CEP350: variants seen among roughly 807,000 people sequenced by gnomAD.
CEP350 encodes centrosomal protein 350, also known as centrosome-associated protein 350.
Under a neutral mutation model 331.8 loss-of-function variants are expected in CEP350, and 126 were observed. The observed-to-expected ratio is 0.38, with a 90% CI of 0.33 to 0.44. The LOEUF (loss-of-function observed/expected upper bound fraction) is 0.44, where lower values mean the gene tolerates loss of function less well. Among genes scored for constraint, CEP350 ranks in the 20% least tolerant of loss-of-function variants. CEP350 has a pLI of 1.00. For synonymous variants in CEP350, 1,200 were observed against 1,259.5 expected (o/e 0.95, Z 1.00); for missense variants, 3,406 against 3,634.6 (o/e 0.94, Z 1.62).
At chr1:179,969,228 C>G in intron 1 of CEP350, 1 of 521,982 alleles carries the variant, frequency 1.9e-6, no homozygotes, top group Non-Finnish European at 3.7e-6. Context: ...GAAGTCATGC[C>G]TGATCTCTAC....
At chr1:179,990,694 A>G (rs1170710513) in intron 4 of CEP350, 73 bp downstream of exon 4, 13 of 771,550 alleles carry the variant, frequency 1.7e-5, no homozygotes, top group East Asian at 2.9e-5. Context: ...AGCTAGATCT[A>G]CAGGGGTGTG....
intron 1 of CEP350, among the ~76,000 whole-genome samples, chr1:179,978,006 A>G (rs1034198331): frequency 6.6e-6 from 1 of 151,426 alleles, no homozygotes; most frequent in African/African-American, 2.4e-5. Context: ...TATTTTTAGT[A>G]AATAGCAGGA....
chr1:179,968,505 A>G lies in CEP350; in HGVS notation c.-14+13363A>G, dbSNP rs191075756. Among the ~76,000 whole-genome samples, 40 of 152,334 alleles carry G rather than the reference A, an allele frequency of 2.6e-4. 1 individual carries two copies. Among genetic ancestry groups the G allele is most frequent in the East Asian group, 1.9e-3 (10 of 5,184 alleles). On this transcript the variant is annotated intron_variant, in intron 1 of 37. Transcript: ENST00000367607. Reference sequence around the variant, plus strand: ...ATTAAGGAGTCATTAAAGGCTTCCAATGAAAGAAAAATTGTTTCCATTTCC... The same window carrying G: ...ATTAAGGAGTCATTAAAGGCTTCCAGTGAAAGAAAAATTGTTTCCATTTCC...
chr1:180,053,701 T>G, intron 23 of CEP350, 49 bp from the exon 24 acceptor site: 1 of 1,136,322 alleles, frequency 8.8e-7, no homozygotes, highest in South Asian at 2.3e-5. Context: ...TGGAATTAAG[T>G]ACCAAAAGGT....
intron 9 of CEP350, among the ~76,000 whole-genome samples, chr1:180,012,856 A>C (rs189999303): frequency 1.3e-3 from 193 of 152,336 alleles, no homozygotes. Flanking sequence ...AAGCCATGTT[A>C]TCAGATAATT....
At chr1:180,019,908 G>A (rs1655212193) in intron 11 of CEP350, 41 bp from the exon 12 acceptor site, 1 of 1,503,484 alleles carries the variant, frequency 6.7e-7, no homozygotes, top group Admixed American at 2.3e-5. Context: ...TTTTTAAAAT[G>A]GTGGTTTAGT....
chr1:179,991,144 A>T (rs1015714721), intron 4 of CEP350, among the ~76,000 whole-genome samples: 2 of 151,360 alleles, frequency 1.3e-5, no homozygotes, highest in Non-Finnish European at 2.9e-5. Context: ...TTTTTAATTC[A>T]CAGATATATA....
intron 28 of CEP350, among the ~76,000 whole-genome samples, chr1:180,075,430 T>TG (rs1325679189): frequency 1.0e-5 from 1 of 95,358 alleles, no homozygotes; most frequent in East Asian, 4.1e-4. Context: ...TACAAAAAAT[T>TG]AAAAAATTAG....
rs781346074 is a variant in CEP350, at chr1:180,024,472, C to A, written c.3440C>A (p.Pro1147His). Reference sequence around the variant, plus strand: ...TCTAACAGAAAGTCTGCCTATGATCCTTCCTCTGTGGATGTTACCTCCCAG... The same window carrying A: ...TCTAACAGAAAGTCTGCCTATGATCATTCCTCTGTGGATGTTACCTCCCAG... ...DHSNRKSAYD[P>H]SSVDVTSQHS... Residue 1147 changes from proline (P) to histidine (H), a missense_variant, in exon 14 of 38, where the codon CCT (proline) becomes CAT (histidine). Pro to His is a moderately conservative substitution (Grantham distance 77, BLOSUM62 -2). Around this residue, in one of 5 missense-constraint regions of CEP350, gnomAD observed 1,857 missense variants for 1,909.2 expected, o/e 0.97. Transcript: ENST00000367607. 3.7e-6 allele frequency: 6 copies of A among 1,613,082 alleles called. No individual in the cohort carries two copies. In the Admixed American group the frequency reaches 1.0e-4, roughly 27 times the overall value.
chr1:180,028,971 A>G (rs1655844678), intron 14 of CEP350, among the ~76,000 whole-genome samples: 3 of 152,136 alleles, frequency 2.0e-5, no homozygotes, highest in Non-Finnish European at 4.4e-5. Flanking sequence ...ACCCTGATAT[A>G]TTTCACTTTC....
Position 180,078,575 on chromosome 1 carries a change from T to A in CEP350, c.5880T>A (p.Ser1960=). Residue 1960 remains serine (S), a synonymous_variant, in exon 29 of 38, where the codon TCT becomes TCA. Coordinates refer to ENST00000367607, the MANE Select transcript of CEP350 (RefSeq NM_014810.5). ...CTGTTGAATATGTACCATCCGAGTC[T>A]ATAGGACAGGAGCAGCCAGGGAGTC... is the stretch of plus-strand genomic sequence containing the variant. The part of the protein sequence containing the change: ...SPAVEYVPSE[S]IGQEQPGSPD... The A allele has an allele frequency of 6.2e-7, 1 of 1,613,652 alleles. No individual in the cohort carries two copies. The highest frequency in any genetic ancestry group is 8.5e-7 in the Non-Finnish European group (1 of 1,179,750).
rs1188499630 is a variant in CEP350 at position 180,031,433 on chromosome 1, G to C, written c.3664G>C (p.Asp1222His). 6.2e-7 allele frequency: 1 copy of C among 1,601,428 alleles called. No individual in the cohort carries two copies. Among genetic ancestry groups the C allele is most frequent in the Non-Finnish European group, 8.5e-7 (1 of 1,172,890 alleles). Residue 1222 changes from aspartate to histidine, a missense_variant, in exon 15 of 38, where the codon GAT (aspartate) becomes CAT (histidine). Physicochemically the swap from Asp to His is moderately conservative, Grantham distance 81. Around this residue, in one of 5 missense-constraint regions of CEP350, gnomAD observed 1,857 missense variants for 1,909.2 expected, o/e 0.97. Coordinates refer to ENST00000367607, the MANE Select transcript of CEP350 (RefSeq NM_014810.5). ...GACCAGCAGCAAACTTTCTGTTAAA[G>C]ATTTTGAGCAGACTCTTGATACAGA... is the stretch of plus-strand genomic sequence containing the variant. ...SGTSSKLSVKDFEQTLDTDST... is the reference protein window; with the variant it reads ...SGTSSKLSVKHFEQTLDTDST...
intron 17 of CEP350, among the ~76,000 whole-genome samples, chr1:180,037,859 C>T (rs1247204196): frequency 1.3e-5 from 2 of 152,222 alleles, no homozygotes; most frequent in Admixed American, 6.5e-5. Context: ...CCATGTTAGC[C>T]AGGATGGTCT....
chr1:180,074,830 A>G (rs1470170939), intron 27 of CEP350, among the ~76,000 whole-genome samples, 192 bp from the exon 28 acceptor site: 4 of 152,230 alleles, frequency 2.6e-5, no homozygotes, highest in Admixed American at 2.6e-4. Context: ...AGTAAAACAT[A>G]AATTCCCTCA....
chr1:180,108,508 A>T (rs530520630), intron 37 of CEP350, among the ~76,000 whole-genome samples: 1 of 152,184 alleles, frequency 6.6e-6, no homozygotes, highest in South Asian at 2.1e-4. Flanking sequence ...TCAAAAAAAA[A>T]GTGGGGCGGG....
chr1:180,097,723 G>C (rs1660562007), intron 36 of CEP350, among the ~76,000 whole-genome samples: 1 of 152,012 alleles, frequency 6.6e-6, no homozygotes. Flanking sequence ...AAGTTTTTAA[G>C]GGTGATAGTT....
chr1:179,974,476 A>AAGAT (rs141532969), intron 1 of CEP350, among the ~76,000 whole-genome samples: 2,529 of 152,274 alleles, frequency 0.017, 68 homozygotes, highest in African/African-American at 0.057. Flanking sequence ...GATGGGTAAG[A>AAGAT]AGATACAGTC....
At chr1:180,106,106 T>G (rs1388088473) in intron 37 of CEP350, among the ~76,000 whole-genome samples, 3 of 152,192 alleles carry the variant, frequency 2.0e-5, no homozygotes, top group Admixed American at 6.5e-5. Flanking sequence ...GTGGAATGAG[T>G]AGCAAGTAAT....
At chr1:179,968,266 G>C (rs890764339) in intron 1 of CEP350, among the ~76,000 whole-genome samples, 4 of 151,590 alleles carry the variant, frequency 2.6e-5, no homozygotes, top group African/African-American at 9.7e-5. Context: ...GGGAGGTAGA[G>C]GTTGCAGTGA....
Sources: gnomAD v4.1 joint callset for allele counts (sites outside exome capture counted in the v4.1 genomes callset) on GRCh38, gnomAD v4.1.1 for gene constraint, gnomAD v4.1.1 regional missense constraint, MANE v1.5 for transcripts, NCBI Gene and HGNC (gene_info 2026-07-23, HGNC 2026-07-21) for gene names.